PARD3: variants seen among roughly 807,000 people sequenced by gnomAD.
PARD3 encodes the protein par-3 family cell polarity regulator.
PARD3 carries 75 observed loss-of-function variants against 155.4 expected under a neutral mutation model. The observed-to-expected ratio is 0.48, with a 90% CI of 0.40 to 0.58. PARD3 has a LOEUF of 0.58. Ranked by LOEUF, PARD3 falls within the 20% of genes least tolerant of loss-of-function variation. The pLI, the probability that PARD3 is intolerant of heterozygous loss-of-function variation, is 0.00. For synonymous variants in PARD3, 576 were observed against 610.5 expected, an observed-to-expected ratio of 0.94 and a Z score of 0.83; for missense variants, 1,642 against 1,721.7, an observed-to-expected ratio of 0.95 and a Z score of 0.82.
intron 21 of PARD3, among the ~76,000 whole-genome samples, chr10:34,283,047 C>CTA (rs1375360732): frequency 2.0e-5 from 3 of 152,036 alleles, no homozygotes; most frequent in Non-Finnish European, 4.4e-5. Context: ...AGTAACCATT[C>CTA]TATTCAAGAA....
intron 3 of PARD3, among the ~76,000 whole-genome samples, chr10:34,494,539 GAA>G (rs1402725633): frequency 1.3e-5 from 2 of 152,162 alleles, no homozygotes; most frequent in East Asian, 3.9e-4. Context: ...AAAAGATGCA[GAA>G]AAAGTGACCA....
At chr10:34,490,720 C>T (rs576426722) in intron 3 of PARD3, among the ~76,000 whole-genome samples, 56 of 152,152 alleles carry the variant, frequency 3.7e-4, no homozygotes, top group Non-Finnish European at 2.2e-4. Context: ...CCTATACTAA[C>T]CTCAACAAAA....
At chr10:34,391,767 A>G (rs1842891580) in intron 7 of PARD3, among the ~76,000 whole-genome samples, 1 of 152,272 alleles carries the variant, frequency 6.6e-6, no homozygotes, top group Non-Finnish European at 1.5e-5. Flanking sequence ...ATCTATATTC[A>G]GGTTTAAATA....
chr10:34,214,963 G>C (rs1457749619), intron 22 of PARD3, among the ~76,000 whole-genome samples: 1 of 152,086 alleles, frequency 6.6e-6, no homozygotes, highest in Non-Finnish European at 1.5e-5. Flanking sequence ...GTTTTGTTAA[G>C]GGTTGTCAGA....
chr10:34,752,099 A>G (rs1368870613), intron 1 of PARD3, among the ~76,000 whole-genome samples: 3 of 152,068 alleles, frequency 2.0e-5, no homozygotes, highest in Non-Finnish European at 2.9e-5. Flanking sequence ...TAATTTAGTC[A>G]TATTTTCTTA....
intron 21 of PARD3, among the ~76,000 whole-genome samples, chr10:34,270,924 C>T (rs1955583243): frequency 6.6e-6 from 1 of 152,110 alleles, no homozygotes; most frequent in Non-Finnish European, 1.5e-5. Flanking sequence ...GGTACAATGT[C>T]CTCTTCAACT....
intron 2 of PARD3, among the ~76,000 whole-genome samples, chr10:34,685,801 C>T (rs1190107040): frequency 2.0e-5 from 3 of 152,088 alleles, no homozygotes; most frequent in African/African-American, 7.2e-5. Flanking sequence ...ACCATGTTGG[C>T]CAGGCTGGTC....
intron 2 of PARD3, among the ~76,000 whole-genome samples, chr10:34,518,102 C>T (rs1671902958): frequency 6.6e-6 from 1 of 152,134 alleles, no homozygotes; most frequent in African/African-American, 2.4e-5. Context: ...CAGTCTCAAA[C>T]TTCTGACCTC....
intron 1 of PARD3, among the ~76,000 whole-genome samples, chr10:34,742,267 T>C (rs1329765384): frequency 2.0e-5 from 3 of 152,182 alleles, no homozygotes; most frequent in Non-Finnish European, 4.4e-5. Context: ...TCAGAGGCAC[T>C]TGCCTCTGAC....
chr10:34,142,596 G>C (rs2254510), intron 22 of PARD3, among the ~76,000 whole-genome samples: 37,218 of 151,398 alleles, frequency 0.25, 5,206 homozygotes, highest in Non-Finnish European at 0.3. Context: ...GGGCAGGGAG[G>C]GAGGGAGGAA....
intron 5 of PARD3, among the ~76,000 whole-genome samples, chr10:34,427,697 C>A (rs557084714): frequency 5.3e-4 from 81 of 152,250 alleles, no homozygotes; most frequent in Non-Finnish European, 1.0e-3. Context: ...CTGGCTTTAC[C>A]GCTCAGGGGG....
At chr10:34,141,238 C>A (rs1179688183) in intron 22 of PARD3, among the ~76,000 whole-genome samples, 1 of 152,078 alleles carries the variant, frequency 6.6e-6, no homozygotes, top group Non-Finnish European at 1.5e-5. Flanking sequence ...AATATCATGT[C>A]ATTTTCAGTT....
At chr10:34,569,873 C>A (rs1309224331) in intron 2 of PARD3, among the ~76,000 whole-genome samples, 8 of 139,674 alleles carry the variant, frequency 5.7e-5, no homozygotes, top group African/African-American at 2.1e-4. Flanking sequence ...ATTAGTTATG[C>A]AAGATTTTTC....
At chr10:34,259,780 G>T (rs993632654) in intron 22 of PARD3, among the ~76,000 whole-genome samples, 5 of 152,162 alleles carry the variant, frequency 3.3e-5, no homozygotes, top group African/African-American at 1.2e-4. Context: ...AAATAGGGAA[G>T]CAAATAGCTA....
At chr10:34,703,883 G>A (rs1357316492) in intron 1 of PARD3, among the ~76,000 whole-genome samples, 3 of 152,146 alleles carry the variant, frequency 2.0e-5, no homozygotes, top group Non-Finnish European at 2.9e-5. Context: ...CCCAAATACC[G>A]GTAAAGTATG....
chr10:34,616,813 T>C (rs996466058), intron 2 of PARD3, among the ~76,000 whole-genome samples: 7 of 151,416 alleles, frequency 4.6e-5, no homozygotes, highest in Non-Finnish European at 8.8e-5. Context: ...CATGGGTCTA[T>C]GGTCTCAGCT....
At chr10:34,365,939 A>AAT (rs1180453318) in intron 12 of PARD3, among the ~76,000 whole-genome samples, 2 of 152,318 alleles carry the variant, frequency 1.3e-5, no homozygotes, top group East Asian at 3.9e-4. Flanking sequence ...CACAGACACA[A>AAT]ATATATATAT....
chr10:34,540,791 C>T (rs2083556432), intron 2 of PARD3, among the ~76,000 whole-genome samples: 1 of 151,668 alleles, frequency 6.6e-6, no homozygotes, highest in Non-Finnish European at 1.5e-5. Context: ...CGGAGGGGAC[C>T]GGGGGTGTAA....
intron 22 of PARD3, among the ~76,000 whole-genome samples, chr10:34,185,387 A>C (rs1950440215): frequency 6.6e-6 from 1 of 152,204 alleles, no homozygotes. Context: ...CAATGTTAGG[A>C]GCCAATTTGT....
Sources: gnomAD v4.1 joint callset for allele counts (sites outside exome capture counted in the v4.1 genomes callset) on GRCh38, gnomAD v4.1.1 for gene constraint, MANE v1.5 for transcripts, NCBI Gene and HGNC (gene_info 2026-07-23, HGNC 2026-07-21) for gene names.